ARB2A: variants seen among roughly 807,000 people sequenced by gnomAD.
ARB2A encodes the protein ARB2 cotranscriptional regulator A, also known as cotranscriptional regulator ARB2A.
chr5:94,044,475 T>A, the ARB2A span, among the ~76,000 whole-genome samples: 1 of 152,100 alleles, frequency 6.6e-6, no homozygotes, highest in African/African-American at 2.4e-5. Flanking sequence ...CAGGCAGGAA[T>A]ATCATCGCCC....
chr5:93,835,499 T>C, the ARB2A span, among the ~76,000 whole-genome samples: 3 of 152,238 alleles, frequency 2.0e-5, no homozygotes, highest in Non-Finnish European at 4.4e-5. Flanking sequence ...TTAGAAAAAG[T>C]AAACTGAAAA....
the ARB2A span, among the ~76,000 whole-genome samples, chr5:93,966,514 G>A: frequency 1.3e-5 from 2 of 152,072 alleles, no homozygotes; most frequent in Non-Finnish European, 1.5e-5. Flanking sequence ...TCTGGAATTT[G>A]CAACATAGCA....
the ARB2A span, among the ~76,000 whole-genome samples, chr5:94,081,072 G>A: frequency 2.0e-5 from 3 of 152,022 alleles, no homozygotes; most frequent in Non-Finnish European, 2.9e-5. Context: ...TGGCCAAAAA[G>A]CACATAAAAG....
the ARB2A span, among the ~76,000 whole-genome samples, chr5:93,863,985 A>T: frequency 6.6e-6 from 1 of 152,182 alleles, no homozygotes; most frequent in African/African-American, 2.4e-5. Context: ...CAAAAAATGT[A>T]TCGATCACCC....
the ARB2A span, among the ~76,000 whole-genome samples, chr5:93,706,007 A>G: frequency 0.012 from 1,895 of 152,296 alleles, 48 homozygotes; most frequent in African/African-American, 0.043. Flanking sequence ...AGTTAAACAG[A>G]AAATTACTAT....
At chr5:93,817,979 T>C in the ARB2A span, among the ~76,000 whole-genome samples, 1 of 151,926 alleles carries the variant, frequency 6.6e-6, no homozygotes, top group African/African-American at 2.4e-5. Flanking sequence ...TATAAAGACC[T>C]ATGAAAAATC....
the ARB2A span, among the ~76,000 whole-genome samples, chr5:93,791,852 C>G: frequency 1.3e-5 from 2 of 151,994 alleles, no homozygotes; most frequent in African/African-American, 4.8e-5. Context: ...ACTTCCTTTT[C>G]CTTTCCTGCC....
At chr5:93,774,788 T>A in the ARB2A span, among the ~76,000 whole-genome samples, 1 of 152,134 alleles carries the variant, frequency 6.6e-6, no homozygotes, top group African/African-American at 2.4e-5. Context: ...TGTTAATGAA[T>A]CAACAATATA....
At chr5:93,738,384 T>C in the ARB2A span, 17 of 152,638 alleles carry the variant, frequency 1.1e-4, no homozygotes, top group Admixed American at 9.1e-4. Flanking sequence ...GAAAACAGTT[T>C]GGTAGTTTCC....
chr5:93,740,475 A>G, the ARB2A span: 1 of 1,283,146 alleles, frequency 7.8e-7, no homozygotes, highest in Non-Finnish European at 1.1e-6. Flanking sequence ...AGTGAATGAG[A>G]AATTAATACT....
At chr5:93,730,339 A>G in the ARB2A span, among the ~76,000 whole-genome samples, 1 of 152,056 alleles carries the variant, frequency 6.6e-6, no homozygotes, top group Non-Finnish European at 1.5e-5. Context: ...AAAGAATAAC[A>G]CACTAAATCC....
the ARB2A span, among the ~76,000 whole-genome samples, chr5:94,012,296 G>A: frequency 6.6e-6 from 1 of 152,210 alleles, no homozygotes; most frequent in Non-Finnish European, 1.5e-5. Flanking sequence ...CAGCTACTTG[G>A]GAGGCTGAGG....
chr5:93,922,983 A>C, the ARB2A span, among the ~76,000 whole-genome samples: 1 of 152,114 alleles, frequency 6.6e-6, no homozygotes, highest in Non-Finnish European at 1.5e-5. Flanking sequence ...GTATTTCCAC[A>C]AAGTTACAAG....
At chr5:93,808,062 G>A in the ARB2A span, among the ~76,000 whole-genome samples, 6 of 152,092 alleles carry the variant, frequency 3.9e-5, no homozygotes, top group South Asian at 2.1e-4. Flanking sequence ...ATAGAAGCAC[G>A]TCCTGCAACC....
At chr5:93,977,412 A>T in the ARB2A span, among the ~76,000 whole-genome samples, 2 of 152,202 alleles carry the variant, frequency 1.3e-5, no homozygotes, top group Non-Finnish European at 2.9e-5. Flanking sequence ...CTGGTACAAA[A>T]ATAGATACAT....
chr5:93,759,911 G>A, the ARB2A span, among the ~76,000 whole-genome samples: 2 of 152,234 alleles, frequency 1.3e-5, no homozygotes, highest in South Asian at 2.1e-4. Context: ...TCAGATAAGA[G>A]AAAGAAATAA....
the ARB2A span, among the ~76,000 whole-genome samples, chr5:94,037,817 C>A: frequency 2.0e-5 from 3 of 152,042 alleles, no homozygotes; most frequent in African/African-American, 7.2e-5. Flanking sequence ...TAAATACAGC[C>A]ATTGAAAAAC....
At chr5:93,707,358 A>G in the ARB2A span, among the ~76,000 whole-genome samples, 1 of 152,210 alleles carries the variant, frequency 6.6e-6, no homozygotes, top group African/African-American at 2.4e-5. Flanking sequence ...TCTGAAATGA[A>G]GTAAGTTTAC....
At chr5:93,920,638 T>C in the ARB2A span, among the ~76,000 whole-genome samples, 3 of 152,164 alleles carry the variant, frequency 2.0e-5, no homozygotes, top group Non-Finnish European at 4.4e-5. Context: ...AAATATATTA[T>C]AGAAAATTAA....
Sources: gnomAD v4.1 joint callset for allele counts (sites outside exome capture counted in the v4.1 genomes callset) on GRCh38, gnomAD v4.1.1 for gene constraint, MANE v1.5 for transcripts, NCBI Gene and HGNC (gene_info 2026-07-23, HGNC 2026-07-21) for gene names.